IL17RB: variants seen among roughly 807,000 people sequenced by gnomAD.
IL17RB encodes interleukin-17 receptor B.
IL17RB carries 36 observed loss-of-function variants against 43.9 expected under a neutral mutation model. The ratio of observed to expected loss-of-function variants is 0.82; its 90% CI spans 0.63 to 1.08. IL17RB has a LOEUF of 1.08. IL17RB is among the 50% of genes least tolerant of loss of function. The pLI is 0.00. For missense variants in IL17RB, 613 were observed against 613.6 expected, an observed-to-expected ratio of 1.00 and a Z score of 0.01; for synonymous variants, 225 against 225.4, an observed-to-expected ratio of 1.00 and a Z score of 0.02.
intron 8 of IL17RB, 123 bp from the exon 9 acceptor site, chr3:53,858,596 A>C: frequency 6.8e-7 from 1 of 1,468,582 alleles, no homozygotes; most frequent in Non-Finnish European, 9.0e-7. Context: ...GAAAATGTGC[A>C]TGACAACACT....
chr3:53,857,692 TAAAGTTCA>T lies in IL17RB; in HGVS notation c.747+3_747+10del, dbSNP rs766359892. The T allele has an allele frequency of 1.7e-5, 28 of 1,612,862 alleles. No homozygotes were observed. In the African/African-American group the frequency reaches 3.5e-4, roughly 20 times the overall value. The stretch of plus-strand genomic sequence containing the variant: ...GATAGTGAAGGTGCTACGGTGCAGG[TAAAGTTCA>T]GTGAGCTGCTCTGGGGAGGGAAGGG... On this transcript the variant is annotated splice_donor_5th_base_variant and intron_variant, in intron 8 of 10. Coordinates refer to ENST00000288167, the MANE Select transcript of IL17RB (RefSeq NM_018725.4).
intron 4 of IL17RB, 30 bp downstream of exon 4, chr3:53,852,156 T>C (rs753178000): frequency 1.2e-6 from 2 of 1,606,732 alleles, no homozygotes; most frequent in Non-Finnish European, 1.7e-6. Flanking sequence ...TTGTTTTGTT[T>C]TTTGAGATAG....
intron 10 of IL17RB, among the ~76,000 whole-genome samples, chr3:53,862,625 A>G (rs1699605584): frequency 6.6e-6 from 1 of 152,236 alleles, no homozygotes; most frequent in Non-Finnish European, 1.5e-5. Flanking sequence ...AAGAGAAGAC[A>G]ACCTGCTGGA....
chr3:53,857,927 TTTTA>T, intron 8 of IL17RB: 1 of 515,704 alleles, frequency 1.9e-6, no homozygotes, highest in Non-Finnish European at 3.5e-6. Flanking sequence ...CCAAAGCACT[TTTTA>T]TTTTCATTTT....
In IL17RB at chr3:53,858,495, G is replaced by T. The variant is rs925856006; in HGVS notation, c.748-224G>T. On this transcript the variant is annotated intron_variant, in intron 8 of 10. Coordinates refer to ENST00000288167, the MANE Select transcript of IL17RB (RefSeq NM_018725.4). ...CTGGTATGTTAGTAACGTGTACAAA[G>T]TTTAGGTTCAGACCCCGGGAGTCTT... 5.0e-6 allele frequency: 7 copies of T among 1,395,948 alleles called. No individual in the cohort carries two copies. In the African/African-American group the frequency reaches 8.7e-5, roughly 17 times the overall value. 86.5% of individuals were successfully genotyped at this position (1,395,948 alleles called of 1,614,324 possible).
chr3:53,862,565 C>G (rs920422275), intron 10 of IL17RB, among the ~76,000 whole-genome samples: 1 of 152,100 alleles, frequency 6.6e-6, no homozygotes, highest in African/African-American at 2.4e-5. Context: ...TTTCAAGATA[C>G]GGATCTTGGA....
At chr3:53,846,699 A>T (rs1268654069) in intron 1 of IL17RB, 51 bp downstream of exon 1, 2 of 1,522,828 alleles carry the variant, frequency 1.3e-6, no homozygotes, top group African/African-American at 2.8e-5. Context: ...TCGAGCCCAG[A>T]TCCTGACGTC....
chr3:53,855,116 C>CAAAAA (rs746854673), intron 5 of IL17RB, among the ~76,000 whole-genome samples, 178 bp from the exon 6 acceptor site: 2 of 69,402 alleles, frequency 2.9e-5, no homozygotes, highest in Non-Finnish European at 2.8e-5. Context: ...GACTCCGGCT[C>CAAAAA]AAAAAAAAAA....
In IL17RB at chr3:53,858,725, C is replaced by G; in HGVS notation, c.754C>G (p.Pro252Ala). The change falls in exon 9 of 11, where the codon CCA (proline) becomes GCA (alanine). Residue 252 changes from proline (P) to alanine (A), a missense_variant. Coordinates refer to ENST00000288167, the MANE Select transcript of IL17RB (RefSeq NM_018725.4). ...DSEGATVQLT[P>A]YFPTCGSDCI... The stretch of plus-strand genomic sequence containing the variant: ...GCCTCTTGTTTTTCCTCAGCTGACT[C>G]CATATTTTCCTACTTGTGGCAGCGA... 6.2e-7 allele frequency: 1 copy of G among 1,614,004 alleles called. No individual in the cohort carries two copies. Among genetic ancestry groups the G allele is most frequent in the East Asian group, 2.2e-5 (1 of 44,882 alleles).
At chr3:53,850,334 T>G (rs537079105) in intron 3 of IL17RB, among the ~76,000 whole-genome samples, 1 of 151,098 alleles carries the variant, frequency 6.6e-6, no homozygotes, top group South Asian at 2.1e-4. Context: ...CCATCTCTAC[T>G]AAGAATACAA....
rs371502581 is a variant in IL17RB at position 53,857,614 on chromosome 3, A to G, written c.673-2A>G. 9 of 1,613,836 alleles carry G rather than the reference A, an allele frequency of 5.6e-6. No individual in the cohort carries two copies. The African/African-American group carries it at 9.3e-5, about 17-fold the overall frequency. The stretch of plus-strand genomic sequence containing the variant: ...ATAATTCTTGACTCTCTCTCTCTTA[A>G]GCCACACCAGAAGAAACAAACGCGA... On this transcript the variant is annotated splice_acceptor_variant, in intron 7 of 10. Transcript: ENST00000288167. LOFTEE classifies it high-confidence loss of function.
intron 3 of IL17RB, 47 bp downstream of exon 3, chr3:53,849,842 C>G: frequency 1.3e-6 from 2 of 1,518,462 alleles, no homozygotes; most frequent in Non-Finnish European, 1.8e-6. Context: ...TCTACTAAAT[C>G]AGAAATGTGC....
In IL17RB at chr3:53,863,228, G is replaced by GA. The variant is rs1489843420; in HGVS notation, c.947-1514dup. Among the ~76,000 whole-genome samples, 9 of 152,276 alleles carry GA rather than the reference G, an allele frequency of 5.9e-5. No homozygotes were observed. In the East Asian group the frequency reaches 1.3e-3, roughly 23 times the overall value. On this transcript the variant is annotated intron_variant, in intron 10 of 10. Transcript: ENST00000288167. Reference sequence around the variant, plus strand: ...TAGGCTATTAGAAGTTAAGTTGTGGGAAAATCAAAGGTTATAGGAGATTTT... The same window carrying GA: ...TAGGCTATTAGAAGTTAAGTTGTGGGAAAAATCAAAGGTTATAGGAGATTTT...
rs1161655371 is a variant in IL17RB at position 53,852,085 on chromosome 3, A to G, written c.313A>G (p.Thr105Ala). 1 of 1,614,050 alleles carries G rather than the reference A, an allele frequency of 6.2e-7. No individual in the cohort carries two copies. Among genetic ancestry groups the G allele is most frequent in the Non-Finnish European group, 8.5e-7 (1 of 1,180,042 alleles). Reference protein sequence around the residue: ...QSYSCVRCNYTEAFQTQTRPS... With the variant: ...QSYSCVRCNYAEAFQTQTRPS... ...CTACAGCTGTGTGAGGTGCAATTAC[A>G]CAGAGGCCTTCCAGACTCAGACCAG... is the stretch of plus-strand genomic sequence containing the variant. The change falls in exon 4 of 11, where the codon ACA becomes GCA. Residue 105 changes from threonine to alanine, a missense_variant. By Grantham distance (58) the Thr-to-Ala change is moderately conservative. Coordinates refer to ENST00000288167, the MANE Select transcript of IL17RB (RefSeq NM_018725.4).
rs1040852874 is a variant in IL17RB, at chr3:53,864,792, C to A, written c.993C>A (p.Pro331=). ...TTTCTACCACCACACTACTGCCCCCCATTAAGGTTCTTGTGGTTTACCCAT... is the reference window on the plus strand; with the variant it reads ...TTTCTACCACCACACTACTGCCCCCAATTAAGGTTCTTGTGGTTTACCCAT... The part of the protein sequence containing the change: ...TSFSTTTLLP[P]IKVLVVYPSE... The change falls in exon 11 of 11, where the codon CCC becomes CCA. Residue 331 remains proline (P), a synonymous_variant. Transcript: ENST00000288167. 10 of 1,613,846 alleles carry A rather than the reference C, an allele frequency of 6.2e-6. No individual in the cohort carries two copies. The highest frequency in any genetic ancestry group is 7.6e-6 in the Non-Finnish European group (9 of 1,179,938).
chr3:53,855,174 C>A (rs983925589), intron 5 of IL17RB, 120 bp from the exon 6 acceptor site: 17 of 371,944 alleles, frequency 4.6e-5, no homozygotes, highest in Non-Finnish European at 8.3e-5. Context: ...CATCTTACAT[C>A]TGGAATGTTT....
chr3:53,862,988 TTCC>T (rs1474950583), intron 10 of IL17RB, among the ~76,000 whole-genome samples: 2 of 152,306 alleles, frequency 1.3e-5, no homozygotes, highest in East Asian at 1.9e-4. Flanking sequence ...CTTCCTCCTC[TTCC>T]TCGTCAGCCT....
intron 9 of IL17RB, chr3:53,859,923 T>C (rs1287294629): frequency 4.4e-6 from 2 of 457,084 alleles, no homozygotes; most frequent in Non-Finnish European, 7.9e-6. Flanking sequence ...TGAGGCAGCA[T>C]TGCTTGAACC....
chr3:53,847,785 ACT>A (rs1332185350), intron 1 of IL17RB, among the ~76,000 whole-genome samples: 1 of 141,504 alleles, frequency 7.1e-6, no homozygotes, highest in Non-Finnish European at 1.6e-5. Flanking sequence ...ACAAAGTGAG[ACT>A]CTGTCTCAGA....
Sources: gnomAD v4.1 joint callset for allele counts (sites outside exome capture counted in the v4.1 genomes callset) on GRCh38, gnomAD v4.1.1 for gene constraint, MANE v1.5 for transcripts, NCBI Gene and HGNC (gene_info 2026-07-23, HGNC 2026-07-21) for gene names.